ENTREP2: variants seen among roughly 807,000 people sequenced by gnomAD.
ENTREP2 encodes the protein endosomal transmembrane epsin interactor 2.
the ENTREP2 span, among the ~76,000 whole-genome samples, chr15:29,669,422 G>A: frequency 6.6e-6 from 1 of 152,258 alleles, no homozygotes; most frequent in African/African-American, 2.4e-5. Context: ...ACCACCTTGG[G>A]ACTCTACAGA....
chr15:29,184,192 C>T, the ENTREP2 span, among the ~76,000 whole-genome samples: 1 of 152,214 alleles, frequency 6.6e-6, no homozygotes, highest in Admixed American at 6.5e-5. Context: ...GCCATATTGG[C>T]CAGGCTCGTC....
chr15:29,223,648 C>A, the ENTREP2 span, among the ~76,000 whole-genome samples: 1 of 152,138 alleles, frequency 6.6e-6, no homozygotes, highest in African/African-American at 2.4e-5. Context: ...CTTGCAGACA[C>A]TAAAGCCCTG....
the ENTREP2 span, among the ~76,000 whole-genome samples, chr15:29,415,088 T>G: frequency 6.6e-6 from 1 of 152,192 alleles, no homozygotes; most frequent in African/African-American, 2.4e-5. Flanking sequence ...GAGGAGCTGG[T>G]ACCATTCCTT....
the ENTREP2 span, among the ~76,000 whole-genome samples, chr15:29,624,288 ATC>A: frequency 3.3e-4 from 51 of 152,302 alleles, no homozygotes; most frequent in African/African-American, 1.1e-3. Flanking sequence ...AAAATGATTT[ATC>A]TCTTTCCTTC....
the ENTREP2 span, chr15:29,266,840 A>G: frequency 6.6e-6 from 1 of 152,246 alleles, no homozygotes; most frequent in Non-Finnish European, 1.5e-5. Context: ...ATATTTTAAA[A>G]TTTGAAACAA....
the ENTREP2 span, among the ~76,000 whole-genome samples, chr15:29,161,453 T>C: frequency 6.6e-6 from 1 of 152,220 alleles, no homozygotes; most frequent in African/African-American, 2.4e-5. Flanking sequence ...CCCTTGTCTC[T>C]GAACCAGGAA....
chr15:29,662,106 G>T, the ENTREP2 span, among the ~76,000 whole-genome samples: 2 of 151,340 alleles, frequency 1.3e-5, no homozygotes, highest in African/African-American at 4.9e-5. Context: ...TGCTACTGGG[G>T]AGGCTGAAGC....
the ENTREP2 span, among the ~76,000 whole-genome samples, chr15:29,584,267 A>G: frequency 6.6e-6 from 1 of 152,256 alleles, no homozygotes; most frequent in Admixed American, 6.5e-5. Flanking sequence ...AAAGATCTGA[A>G]GTGATGTTTC....
At chr15:29,244,545 G>A in the ENTREP2 span, among the ~76,000 whole-genome samples, 24 of 152,332 alleles carry the variant, frequency 1.6e-4, no homozygotes, top group East Asian at 1.2e-3. Context: ...ACACTGCAGC[G>A]TTGAGATGGA....
the ENTREP2 span, chr15:29,120,317 A>AAAT: frequency 1.3e-5 from 2 of 152,258 alleles, no homozygotes; most frequent in African/African-American, 4.8e-5. Flanking sequence ...TACATTAAAT[A>AAAT]AATACAGCCT....
At chr15:29,453,535 C>T in the ENTREP2 span, among the ~76,000 whole-genome samples, 1 of 152,228 alleles carries the variant, frequency 6.6e-6, no homozygotes, top group South Asian at 2.1e-4. Flanking sequence ...TAGACACCCC[C>T]ACCGGCCAGA....
At chr15:29,472,616 C>G in the ENTREP2 span, among the ~76,000 whole-genome samples, 8 of 152,104 alleles carry the variant, frequency 5.3e-5, no homozygotes, top group Non-Finnish European at 1.0e-4. Context: ...AGGCTCCCCC[C>G]ACCACGCCCA....
the ENTREP2 span, chr15:29,252,399 T>C: frequency 6.4e-6 from 10 of 1,551,176 alleles, no homozygotes; most frequent in South Asian, 1.2e-4. Context: ...GTTGACTAGC[T>C]GAGCATTCTG....
the ENTREP2 span, among the ~76,000 whole-genome samples, chr15:29,150,322 C>G: frequency 6.6e-6 from 1 of 152,020 alleles, no homozygotes; most frequent in Non-Finnish European, 1.5e-5. Context: ...TGCTGTTATA[C>G]TCGTATATGC....
the ENTREP2 span, among the ~76,000 whole-genome samples, chr15:29,458,741 C>G: frequency 1.3e-5 from 2 of 152,256 alleles, no homozygotes; most frequent in African/African-American, 4.8e-5. Flanking sequence ...CTGAGGATAA[C>G]ACATGCTTGA....
chr15:29,362,980 C>G, the ENTREP2 span, among the ~76,000 whole-genome samples: 1 of 152,094 alleles, frequency 6.6e-6, no homozygotes, highest in African/African-American at 2.4e-5. Flanking sequence ...TTAAAAGAAG[C>G]GTATTAGTCC....
At chr15:29,439,045 A>G in the ENTREP2 span, among the ~76,000 whole-genome samples, 5 of 152,126 alleles carry the variant, frequency 3.3e-5, no homozygotes, top group East Asian at 1.9e-4. Flanking sequence ...CTGGCAATAC[A>G]TATATTTCCT....
chr15:29,476,916 T>C, the ENTREP2 span, among the ~76,000 whole-genome samples: 1 of 152,272 alleles, frequency 6.6e-6, no homozygotes, highest in Non-Finnish European at 1.5e-5. Flanking sequence ...TCCACTCTCC[T>C]AGGCATACAC....
the ENTREP2 span, among the ~76,000 whole-genome samples, chr15:29,182,458 A>C: frequency 6.6e-6 from 1 of 152,120 alleles, no homozygotes; most frequent in South Asian, 2.1e-4. Flanking sequence ...TACTTTTCCA[A>C]TAAGGACAAA....
Sources: gnomAD v4.1 joint callset for allele counts (sites outside exome capture counted in the v4.1 genomes callset) on GRCh38, gnomAD v4.1.1 for gene constraint, MANE v1.5 for transcripts, NCBI Gene and HGNC (gene_info 2026-07-23, HGNC 2026-07-21) for gene names.